Variants in GALNT18 observed in about 807,000 individuals in gnomAD.
The protein encoded by GALNT18 is GalNAc-transferase 18.
Under a neutral mutation model 69.5 loss-of-function variants are expected in GALNT18, and 44 were observed. That is an observed-to-expected ratio of 0.63 (90% confidence interval 0.50 to 0.81). The LOEUF (loss-of-function observed/expected upper bound fraction) is 0.81. Among genes scored for constraint, GALNT18 ranks in the 40% least tolerant of loss-of-function variants. The pLI is 0.00. For missense variants in GALNT18, 715 were observed against 810.0 expected (o/e 0.88, Z 1.42); for synonymous variants, 364 against 318.2 (o/e 1.14, Z -1.53).
chr11:11,290,296 CT>C (rs1265201918), intron 10 of GALNT18, among the ~76,000 whole-genome samples: 1 of 152,218 alleles, frequency 6.6e-6, no homozygotes, highest in African/African-American at 2.4e-5. Context: ...CAAACTGCAT[CT>C]CAATCTCCTG....
intron 9 of GALNT18, among the ~76,000 whole-genome samples, chr11:11,301,008 C>T (rs1305793658): frequency 6.6e-6 from 1 of 152,126 alleles, no homozygotes; most frequent in African/African-American, 2.4e-5. Flanking sequence ...TAGCTTGCCC[C>T]CACAATGAGA....
At chr11:11,399,258 C>A (rs922272008) in intron 3 of GALNT18, among the ~76,000 whole-genome samples, 2 of 152,112 alleles carry the variant, frequency 1.3e-5, no homozygotes, top group African/African-American at 4.8e-5. Context: ...TATGCTGGCA[C>A]CCTGATCACA....
rs532705794 is a variant in GALNT18, at chr11:11,293,541, T to TTC, written c.1513-349_1513-348insGA. Among the ~76,000 whole-genome samples the TTC allele has an allele frequency of 6.5e-3, 669 of 102,206 alleles. 17 individuals carry two copies. Among genetic ancestry groups the TTC allele is most frequent in the African/African-American group, 0.022 (587 of 26,526 alleles). The allele number at this position is 102,206 out of a possible 152,430, so 67.1% of individuals were successfully genotyped here. A position where few individuals can be genotyped will look rare whatever the true frequency, so the allele number is the denominator to read the frequency against. ...CCAGTTTACAAACCCCTCTTTTTTTTTTTTTTTTTTTTTTTTGGAGACAGA... is the reference window on the plus strand; with the variant it reads ...CCAGTTTACAAACCCCTCTTTTTTTTTCTTTTTTTTTTTTTTTTGGAGACAGA... On this transcript the variant is annotated intron_variant, in intron 9 of 10. Transcript: ENST00000227756.
Position 11,436,721 on chromosome 11 carries a change from G to A in GALNT18, c.429-3934C>T, listed in dbSNP as rs189974362. On this transcript the variant is annotated intron_variant, in intron 2 of 10. Transcript: ENST00000227756. This position sits in a 1 kb window ranked among gnomAD's most constrained non-coding sequence, Gnocchi z 4.5. ...GCAGGGGCAAAAAGAGGGAAGAAGA[G>A]CATATCAAGCAAGACATCTACATCC... Among the ~76,000 whole-genome samples, 4 of 152,366 alleles carry A rather than the reference G, an allele frequency of 2.6e-5. No homozygotes were observed. The East Asian group carries it at 7.7e-4, about 29-fold the overall frequency.
rs572806228 is a variant in GALNT18, at chr11:11,541,717, C to T, written c.235+79642G>A. Among the ~76,000 whole-genome samples, 14 of 152,108 alleles carry T rather than the reference C, an allele frequency of 9.2e-5. No homozygotes were observed. Among genetic ancestry groups the T allele is most frequent in the African/African-American group, 1.9e-4 (8 of 41,406 alleles). ...CCACACCTCTATTGCCCCAAAGCGTCGCTAGTAGCCTTGGGGATTCCTCCC... is the reference window on the plus strand; with the variant it reads ...CCACACCTCTATTGCCCCAAAGCGTTGCTAGTAGCCTTGGGGATTCCTCCC... On this transcript the variant is annotated intron_variant, in intron 1 of 10. Coordinates refer to ENST00000227756, the MANE Select transcript of GALNT18 (RefSeq NM_198516.3). This position sits in a 1 kb window ranked among gnomAD's most constrained non-coding sequence, Gnocchi z 4.8.
At chr11:11,376,181 G>C (rs1259840781) in intron 5 of GALNT18, among the ~76,000 whole-genome samples, 2 of 152,074 alleles carry the variant, frequency 1.3e-5, no homozygotes, top group Non-Finnish European at 2.9e-5. Context: ...AGGAGTTCAA[G>C]ACCAGCCTGG....
chr11:11,355,288 A>G (rs1458192126), intron 6 of GALNT18, among the ~76,000 whole-genome samples: 1 of 152,126 alleles, frequency 6.6e-6, no homozygotes, highest in Non-Finnish European at 1.5e-5. Context: ...TGATACTTAC[A>G]CTGTGTTTTT....
chr11:11,529,058 C>A (rs1209097975), intron 1 of GALNT18, among the ~76,000 whole-genome samples: 2 of 152,210 alleles, frequency 1.3e-5, no homozygotes, highest in African/African-American at 2.4e-5. Context: ...TCAAAGAGAA[C>A]AGCCTCTTCT....
intron 3 of GALNT18, among the ~76,000 whole-genome samples, chr11:11,427,517 T>G (rs577306027): frequency 2.2e-4 from 33 of 152,022 alleles, no homozygotes; most frequent in Middle Eastern, 3.4e-3. Context: ...TAATTTAGAG[T>G]TTTAAACACC....
intron 9 of GALNT18, among the ~76,000 whole-genome samples, chr11:11,296,849 A>G (rs1257635231): frequency 6.6e-6 from 1 of 152,136 alleles, no homozygotes; most frequent in Non-Finnish European, 1.5e-5. Flanking sequence ...GGCAAAGAGG[A>G]TTTTCTCAAG....
rs771767739 is a variant in GALNT18 at position 11,497,196 on chromosome 11, C to T, written c.236-48260G>A. Among the ~76,000 whole-genome samples the T allele has an allele frequency of 3.9e-5, 6 of 152,156 alleles. No homozygotes were observed. The highest frequency in any genetic ancestry group is 7.3e-5 in the Non-Finnish European group (5 of 68,038). On this transcript the variant is annotated intron_variant, in intron 1 of 10. Coordinates refer to ENST00000227756, the MANE Select transcript of GALNT18 (RefSeq NM_198516.3). This position sits in a 1 kb window ranked among gnomAD's most constrained non-coding sequence, Gnocchi z 4.2. ...TTGCCACAGGACAACCTTCCCCAAC[C>T]AGCCAACATCAGCACCCTCAACTGA... is the stretch of plus-strand genomic sequence containing the variant.
intron 1 of GALNT18, among the ~76,000 whole-genome samples, chr11:11,549,064 G>C (rs1858130506): frequency 6.6e-6 from 1 of 152,220 alleles, no homozygotes; most frequent in Non-Finnish European, 1.5e-5. Context: ...GGGTATAAGA[G>C]AAAGTGGTAT....
Position 11,377,044 on chromosome 11 carries a change from A to G in GALNT18, c.977+138T>C. 1.4e-6 allele frequency: 1 copy of G among 692,322 alleles called. No homozygotes were observed. Among genetic ancestry groups the G allele is most frequent in the Non-Finnish European group, 2.5e-6 (1 of 406,728 alleles). 42.9% of individuals were successfully genotyped at this position (692,322 alleles called of 1,614,324 possible). A position where few individuals can be genotyped will look rare whatever the true frequency, so the allele number is the denominator to read the frequency against. On this transcript the variant is annotated intron_variant, in intron 5 of 10. Coordinates refer to ENST00000227756, the MANE Select transcript of GALNT18 (RefSeq NM_198516.3). This position sits in a 1 kb window ranked among gnomAD's most constrained non-coding sequence, Gnocchi z 4.6. The stretch of plus-strand genomic sequence containing the variant: ...GCCTGTGGCAGTGACTGAAGATCAG[A>G]CTGCAGTTCCTTTCGACCCTGCCCA...
At chr11:11,376,491 G>A (rs1853764793) in intron 5 of GALNT18, among the ~76,000 whole-genome samples, 1 of 152,230 alleles carries the variant, frequency 6.6e-6, no homozygotes, top group Non-Finnish European at 1.5e-5. Context: ...ATGAGTCTAG[G>A]AAGATGGCAG....
At chr11:11,503,040 C>T (rs1857004746) in intron 1 of GALNT18, among the ~76,000 whole-genome samples, 1 of 152,194 alleles carries the variant, frequency 6.6e-6, no homozygotes, top group African/African-American at 2.4e-5. Context: ...GGGCTTCCTG[C>T]CCCACTCATA....
chr11:11,344,899 A>G (rs1336420465), intron 6 of GALNT18, among the ~76,000 whole-genome samples: 4 of 152,154 alleles, frequency 2.6e-5, no homozygotes, highest in Non-Finnish European at 5.9e-5. Flanking sequence ...GACAATGGAT[A>G]CCACACCAGG....
chr11:11,457,636 G>A (rs1855952169), intron 1 of GALNT18, among the ~76,000 whole-genome samples: 1 of 152,202 alleles, frequency 6.6e-6, no homozygotes, highest in South Asian at 2.1e-4. Context: ...AGGACCCCTG[G>A]CCCGCTGCCC....
Position 11,352,824 on chromosome 11 carries a change from T to C in GALNT18, c.1093-11820A>G, listed in dbSNP as rs753069354. ...TCGTGACACAGGGTCTTTTACAATG[T>C]CTGCCAGTGTGATGATGTTGGGACC... On this transcript the variant is annotated intron_variant, in intron 6 of 10. Coordinates refer to ENST00000227756, the MANE Select transcript of GALNT18 (RefSeq NM_198516.3). 4 of 1,614,232 alleles carry C rather than the reference T, an allele frequency of 2.5e-6. No individual in the cohort carries two copies. In the East Asian group the frequency reaches 8.9e-5, roughly 36 times the overall value.
rs1395884630 is a variant in GALNT18, at chr11:11,619,974, C to A, written c.235+1385G>T. On this transcript the variant is annotated intron_variant, in intron 1 of 10. Coordinates refer to ENST00000227756, the MANE Select transcript of GALNT18 (RefSeq NM_198516.3). This position sits in a 1 kb window ranked among gnomAD's most constrained non-coding sequence, Gnocchi z 4.9. The stretch of plus-strand genomic sequence containing the variant: ...GATGTGGATGCCTCTCCTGCACTCA[C>A]CTGAACCTCCCTGAACCTTCCCCTC... Among the ~76,000 whole-genome samples the A allele has an allele frequency of 6.6e-6, 1 of 152,148 alleles. No homozygotes were observed. Among genetic ancestry groups the A allele is most frequent in the African/African-American group, 2.4e-5 (1 of 41,420 alleles).
Sources: gnomAD v4.1 joint callset for allele counts (sites outside exome capture counted in the v4.1 genomes callset) on GRCh38, gnomAD v4.1.1 for gene constraint, Gnocchi (gnomAD v3.1) non-coding constraint, MANE v1.5 for transcripts, NCBI Gene and HGNC (gene_info 2026-07-23, HGNC 2026-07-21) for gene names.